Variants in PLD5 observed in about 807,000 individuals in gnomAD.
The protein encoded by PLD5 is phospholipase D family member 5.
PLD5 carries 36 observed loss-of-function variants against 61.1 expected under a neutral mutation model. That is an observed-to-expected ratio of 0.59 (90% CI 0.45 to 0.78). The LOEUF (loss-of-function observed/expected upper bound fraction) is 0.78. Ranked by LOEUF, PLD5 falls within the 30% of genes least tolerant of loss-of-function variation. PLD5 has a pLI of 0.00. For synonymous variants in PLD5, 243 were observed against 242.8 expected (o/e 1.00, Z -0.01); for missense variants, 515 against 644.4 (o/e 0.80, Z 2.17).
At chr1:242,392,643 C>G (rs1207774223) in intron 1 of PLD5, among the ~76,000 whole-genome samples, 1 of 152,136 alleles carries the variant, frequency 6.6e-6, no homozygotes, top group African/African-American at 2.4e-5. Flanking sequence ...CTCTCAGTGC[C>G]TCATGGGTTT....
At chr1:242,437,602 T>C (rs7537715) in intron 1 of PLD5, among the ~76,000 whole-genome samples, 5,792 of 151,962 alleles carry the variant, frequency 0.038, 337 homozygotes, top group African/African-American at 0.12. Context: ...GTGGCTGAGG[T>C]AGGAGAATCA....
At chr1:242,441,659 T>C (rs1002395150) in intron 1 of PLD5, among the ~76,000 whole-genome samples, 1 of 151,938 alleles carries the variant, frequency 6.6e-6, no homozygotes. Flanking sequence ...AAAGTAACAG[T>C]AATAGAAAGC....
intron 1 of PLD5, among the ~76,000 whole-genome samples, chr1:242,470,693 T>C (rs1402588805): frequency 6.6e-6 from 1 of 152,220 alleles, no homozygotes; most frequent in Non-Finnish European, 1.5e-5. Flanking sequence ...CAAATGTAAT[T>C]GATATACTGG....
chr1:242,121,669 T>C (rs889582635), intron 6 of PLD5, among the ~76,000 whole-genome samples: 1 of 152,028 alleles, frequency 6.6e-6, no homozygotes, highest in African/African-American at 2.4e-5. Flanking sequence ...CTATTCACAA[T>C]AGCAAAGACT....
At position 242,480,737 on chromosome 1, in the gene PLD5, T is replaced by A. The variant is rs1056781624; in HGVS notation, c.189+43351A>T. On this transcript the variant is annotated intron_variant, in intron 1 of 9. Coordinates refer to ENST00000536534, the MANE Select transcript of PLD5 (RefSeq NM_001372062.1). ...TAGATATGTGAATGATCAATAACCA[T>A]ATAAAAAGATGCTCAACTTCATTAG... Among the ~76,000 whole-genome samples, 16 of 152,130 alleles carry A rather than the reference T, an allele frequency of 1.1e-4. 1 individual carries two copies. The highest frequency in any genetic ancestry group is 9.8e-4 in the Admixed American group (15 of 15,270).
At chr1:242,526,922 G>C (rs974307148), upstream of PLD5, among the ~76,000 whole-genome samples, 5 of 152,028 alleles carry the variant, frequency 3.3e-5, no homozygotes, top group Admixed American at 2.0e-4. Flanking sequence ...TATGAGATTA[G>C]GTATTTGATA....
intron 1 of PLD5, among the ~76,000 whole-genome samples, chr1:242,356,186 CATTGT>C (rs1660743212): frequency 6.6e-6 from 1 of 151,882 alleles, no homozygotes; most frequent in African/African-American, 2.4e-5. Flanking sequence ...CCTCTACTTA[CATTGT>C]ATTGAAATAT....
chr1:242,399,062 C>T (rs2149276273), intron 1 of PLD5, among the ~76,000 whole-genome samples: 1 of 152,306 alleles, frequency 6.6e-6, no homozygotes, highest in African/African-American at 2.4e-5. Context: ...CCCTAAGGCT[C>T]CTTCCAGTCT....
intron 1 of PLD5, among the ~76,000 whole-genome samples, chr1:242,370,990 T>C (rs185206260): frequency 1.3e-4 from 20 of 152,322 alleles, no homozygotes; most frequent in African/African-American, 4.1e-4. Flanking sequence ...TATGTTTCTT[T>C]TTCTAAATTA....
chr1:242,428,157 T>G (rs1665532521), intron 1 of PLD5, among the ~76,000 whole-genome samples: 1 of 152,252 alleles, frequency 6.6e-6, no homozygotes, highest in African/African-American at 2.4e-5. Context: ...GTAGGTATGC[T>G]GAAACCTCCT....
Position 242,182,319 on chromosome 1 carries a change from T to A in PLD5, c.735+37669A>T, listed in dbSNP as rs143193720. Among the ~76,000 whole-genome samples, 16 of 151,696 alleles carry A rather than the reference T, an allele frequency of 1.1e-4. No homozygotes were observed. The East Asian group carries it at 1.9e-3, about 18-fold the overall frequency. On this transcript the variant is annotated intron_variant, in intron 5 of 9. Coordinates refer to ENST00000536534, the MANE Select transcript of PLD5 (RefSeq NM_001372062.1). ...GGGTATCCCTAAGACACCAAAGAAA[T>A]TTTTTTTTAGTTTCTCCAGAGGCAT...
At chr1:242,495,927 GT>G (rs1233522800) in intron 1 of PLD5, among the ~76,000 whole-genome samples, 1 of 152,190 alleles carries the variant, frequency 6.6e-6, no homozygotes, top group Non-Finnish European at 1.5e-5. Context: ...TCCACATGTT[GT>G]CGTGTTTCAT....
At chr1:242,326,737 C>A (rs1368602043) in intron 2 of PLD5, among the ~76,000 whole-genome samples, 1 of 152,054 alleles carries the variant, frequency 6.6e-6, no homozygotes, top group East Asian at 1.9e-4. Context: ...GACAGGGTCT[C>A]ACTCTGTCAC....
chr1:242,453,562 G>A lies in PLD5; in HGVS notation c.189+70526C>T, dbSNP rs114178928. ...TACACAGTGTATTCATTATTTGCCTGTTCAAAATTTTCAAATGCTCATCCT... is the reference window on the plus strand; with the variant it reads ...TACACAGTGTATTCATTATTTGCCTATTCAAAATTTTCAAATGCTCATCCT... On this transcript the variant is annotated intron_variant, in intron 1 of 9. Transcript: ENST00000536534. Among the ~76,000 whole-genome samples the A allele has an allele frequency of 3.8e-3, 578 of 152,208 alleles. 2 individuals carry two copies. Among genetic ancestry groups the A allele is most frequent in the Non-Finnish European group, 6.5e-3 (444 of 68,006 alleles).
chr1:242,461,429 G>T (rs1451353004), intron 1 of PLD5, among the ~76,000 whole-genome samples: 2 of 152,124 alleles, frequency 1.3e-5, no homozygotes, highest in Admixed American at 1.3e-4. Flanking sequence ...TGTTCAGGAA[G>T]GGATTGCAAT....
At chr1:242,478,610 C>T (rs1315844110) in intron 1 of PLD5, among the ~76,000 whole-genome samples, 1 of 152,208 alleles carries the variant, frequency 6.6e-6, no homozygotes, top group Non-Finnish European at 1.5e-5. Flanking sequence ...TAAAAGGCAT[C>T]ATCTGTGTAG....
At chr1:242,400,454 A>G (rs1301786303) in intron 1 of PLD5, among the ~76,000 whole-genome samples, 1 of 152,164 alleles carries the variant, frequency 6.6e-6, no homozygotes, top group African/African-American at 2.4e-5. Context: ...AAAGGCCTCA[A>G]TTATGCAAAG....
chr1:242,299,675 C>T (rs1162351486), intron 2 of PLD5, among the ~76,000 whole-genome samples: 1 of 152,234 alleles, frequency 6.6e-6, no homozygotes, highest in East Asian at 1.9e-4. Context: ...ATTCCAGATT[C>T]GCTAGCAGAG....
chr1:242,281,868 C>T (rs191062100), intron 3 of PLD5, among the ~76,000 whole-genome samples: 90 of 151,970 alleles, frequency 5.9e-4, no homozygotes, highest in African/African-American at 1.8e-3. Context: ...TGGGTGTGTG[C>T]GCGCACACAC....
Sources: allele counts gnomAD v4.1 joint callset (sites outside exome capture counted in the v4.1 genomes callset), GRCh38; gene constraint gnomAD v4.1.1; transcripts MANE v1.5; gene names NCBI Gene and HGNC (gene_info 2026-07-23, HGNC 2026-07-21).